The following BMPR1A variants were observed in gnomAD, a reference collection of about 807,000 sequenced individuals.
BMPR1A encodes the protein bone morphogenetic protein receptor type 1A.
A neutral mutation model predicts 66.0 loss-of-function variants in BMPR1A; 7 were observed. The observed-to-expected ratio is 0.11, with a 90% confidence interval of 0.06 to 0.20. BMPR1A has a LOEUF of 0.20. BMPR1A is among the 10% of genes least tolerant of loss of function. BMPR1A has a pLI of 1.00. For missense variants in BMPR1A, 408 were observed against 669.1 expected (o/e 0.61, Z 4.31); for synonymous variants, 200 against 229.7 (o/e 0.87, Z 1.17).
chr10:86,814,480 T>C (rs1842008315), intron 1 of BMPR1A, among the ~76,000 whole-genome samples: 4 of 152,144 alleles, frequency 2.6e-5, no homozygotes, highest in Admixed American at 2.6e-4. Flanking sequence ...ACTTTCAATT[T>C]CTCGAAGGCA....
At chr10:86,807,883 T>C (rs1447451325) in intron 1 of BMPR1A, among the ~76,000 whole-genome samples, 1 of 152,150 alleles carries the variant, frequency 6.6e-6, no homozygotes, top group Non-Finnish European at 1.5e-5. Flanking sequence ...TTTCCTGCTT[T>C]AGCCTCCCTA....
Position 86,892,118 on chromosome 10 carries a change from C to T in BMPR1A, c.231-9C>T, listed in dbSNP as rs763313220. ...ATGTTTTGTTTTGTTTTGTTTTTTT[C>T]TGTTTTAGAACTAATGGACATTGCT... On this transcript the variant is annotated splice_polypyrimidine_tract_variant and intron_variant, in intron 4 of 12. Transcript: ENST00000372037. The T allele has an allele frequency of 3.1e-6, 5 of 1,605,124 alleles. No homozygotes were observed. Among genetic ancestry groups the T allele is most frequent in the Non-Finnish European group, 4.3e-6 (5 of 1,172,280 alleles).
rs565121122 is a variant in BMPR1A at position 86,841,519 on chromosome 10, GAGC to G, written c.-153+2543_-153+2545del. 9.8e-4 allele frequency among the ~76,000 whole-genome samples: 150 copies of G among 152,312 alleles called. 1 individual carries two copies. The highest frequency in any genetic ancestry group is 1.6e-3 in the Non-Finnish European group (112 of 68,022). On this transcript the variant is annotated intron_variant, in intron 2 of 12. Coordinates refer to ENST00000372037, the MANE Select transcript of BMPR1A (RefSeq NM_004329.3). ...AGGCTTCACAGAAGAGATAATATTT[GAGC>G]AGAGTCTTGATGGATGAATAGAAGA...
intron 2 of BMPR1A, among the ~76,000 whole-genome samples, chr10:86,869,757 C>CA (rs1318444122): frequency 0.049 from 6,387 of 130,648 alleles, 189 homozygotes; most frequent in South Asian, 0.095. Context: ...AACTCTGTCT[C>CA]AAAAAAAAAA....
chr10:86,811,120 C>T (rs529530865), intron 1 of BMPR1A, among the ~76,000 whole-genome samples: 12 of 152,312 alleles, frequency 7.9e-5, no homozygotes, highest in African/African-American at 2.9e-4. Context: ...TTCACGGCAA[C>T]ATCTGGCTCC....
chr10:86,785,354 G>A (rs545131939), intron 1 of BMPR1A, among the ~76,000 whole-genome samples: 2 of 152,200 alleles, frequency 1.3e-5, no homozygotes, highest in Non-Finnish European at 2.9e-5. Flanking sequence ...TGCCCAGGCT[G>A]CAGTGCAGTG....
At chr10:86,787,971 G>C (rs1442313263) in intron 1 of BMPR1A, among the ~76,000 whole-genome samples, 2 of 151,524 alleles carry the variant, frequency 1.3e-5, no homozygotes, top group East Asian at 2.0e-4. Context: ...TGGGAACACA[G>C]AGCCAAGCCA....
intron 2 of BMPR1A, among the ~76,000 whole-genome samples, chr10:86,868,669 A>G (rs1842814725): frequency 6.6e-6 from 1 of 152,188 alleles, no homozygotes; most frequent in South Asian, 2.1e-4. Context: ...GAAATTCCCA[A>G]ACTTCTCTAC....
At chr10:86,809,092 T>C (rs1490961560) in intron 1 of BMPR1A, among the ~76,000 whole-genome samples, 2 of 152,162 alleles carry the variant, frequency 1.3e-5, no homozygotes, top group Admixed American at 6.5e-5. Flanking sequence ...ATTTCAGTGA[T>C]AGGGAAGGCA....
intron 1 of BMPR1A, among the ~76,000 whole-genome samples, chr10:86,770,164 G>A (rs867235543): frequency 1.1e-4 from 16 of 152,290 alleles, no homozygotes; most frequent in Non-Finnish European, 1.9e-4. Context: ...GGTGGCGGGC[G>A]CCTGTGGTCC....
intron 5 of BMPR1A, among the ~76,000 whole-genome samples, chr10:86,893,270 G>T (rs1200956751): frequency 1.3e-5 from 2 of 152,132 alleles, no homozygotes; most frequent in Non-Finnish European, 2.9e-5. Flanking sequence ...TTGTAAGGAG[G>T]TGTCAGTGGA....
chr10:86,832,263 C>G (rs1478507718), intron 1 of BMPR1A, among the ~76,000 whole-genome samples: 1 of 151,996 alleles, frequency 6.6e-6, no homozygotes, highest in Non-Finnish European at 1.5e-5. Flanking sequence ...GTCAGGAATT[C>G]GAGATGAGCC....
chr10:86,922,259 C>G (rs537160749), intron 11 of BMPR1A, among the ~76,000 whole-genome samples: 2 of 152,268 alleles, frequency 1.3e-5, no homozygotes, highest in Admixed American at 1.3e-4. Flanking sequence ...CTGAATGATA[C>G]TCCATTGTGT....
At chr10:86,805,283 A>T (rs1009256816) in intron 1 of BMPR1A, among the ~76,000 whole-genome samples, 2 of 151,842 alleles carry the variant, frequency 1.3e-5, no homozygotes, top group African/African-American at 4.8e-5. Context: ...ACCATTGTGA[A>T]TGCCCATAAT....
At chr10:86,826,183 T>G (rs1364765409) in intron 1 of BMPR1A, among the ~76,000 whole-genome samples, 3 of 152,186 alleles carry the variant, frequency 2.0e-5, no homozygotes, top group Admixed American at 2.0e-4. Flanking sequence ...ACGTGTATCC[T>G]AAGAGCAAGG....
chr10:86,787,527 A>AC (rs1246562210), intron 1 of BMPR1A, among the ~76,000 whole-genome samples: 1 of 152,224 alleles, frequency 6.6e-6, no homozygotes. Flanking sequence ...AAGACATGGG[A>AC]AATAAGATAA....
downstream of BMPR1A, chr10:86,929,015 C>A (rs927555771): frequency 1.3e-5 from 2 of 151,450 alleles, no homozygotes; most frequent in Admixed American, 1.3e-4. Context: ...ATTAAATAGC[C>A]ATTGAGAACT....
At chr10:86,781,208 T>C (rs1841432817) in intron 1 of BMPR1A, among the ~76,000 whole-genome samples, 1 of 152,160 alleles carries the variant, frequency 6.6e-6, no homozygotes, top group Non-Finnish European at 1.5e-5. Context: ...GATTTTTGTA[T>C]AGGGTGAGTG....
intron 1 of BMPR1A, among the ~76,000 whole-genome samples, chr10:86,832,648 C>T (rs896965452): frequency 5.9e-5 from 9 of 152,150 alleles, no homozygotes; most frequent in African/African-American, 2.2e-4. Context: ...TTTTCCTAAA[C>T]ATTTATGCGT....
Sources: allele counts gnomAD v4.1 joint callset (sites outside exome capture counted in the v4.1 genomes callset), GRCh38; gene constraint gnomAD v4.1.1; transcripts MANE v1.5; gene names NCBI Gene and HGNC (gene_info 2026-07-23, HGNC 2026-07-21).